The following DTD1 variants were observed in gnomAD, a reference collection of about 807,000 sequenced individuals.
The protein encoded by DTD1 is D-aminoacyl-tRNA deacylase 1, also known as D-tyrosyl-tRNA deacylase 1 homolog.
In DTD1, 13 loss-of-function variants were observed where a neutral mutation model predicts 25.6. That is an observed-to-expected ratio of 0.51 (90% confidence interval 0.33 to 0.81). The LOEUF (loss-of-function observed/expected upper bound fraction) is 0.81, where lower values mean the gene tolerates loss of function less well. Among genes scored for constraint, DTD1 ranks in the 30% least tolerant of loss-of-function variants. The probability of loss-of-function intolerance (pLI) is 0.02; values close to 1 mark genes in which losing one functional copy is unlikely to be tolerated. For missense variants in DTD1, 193 were observed against 266.4 expected, an observed-to-expected ratio of 0.72 and a Z score of 1.92; for synonymous variants, 110 against 103.6, an observed-to-expected ratio of 1.06 and a Z score of -0.37.
intron 5 of DTD1, among the ~76,000 whole-genome samples, chr20:18,762,336 A>G (rs1247525791): frequency 6.6e-6 from 1 of 152,204 alleles, no homozygotes; most frequent in African/African-American, 2.4e-5. Flanking sequence ...TAACTTTTGG[A>G]TGACAAATGC....
At chr20:18,590,032 G>A (rs994193907) in intron 1 of DTD1, among the ~76,000 whole-genome samples, 4 of 152,184 alleles carry the variant, frequency 2.6e-5, no homozygotes, top group African/African-American at 4.8e-5. Flanking sequence ...AAATGTGGCT[G>A]TGTTTGAATG....
intron 4 of DTD1, among the ~76,000 whole-genome samples, chr20:18,640,100 T>G (rs889506275): frequency 6.6e-6 from 1 of 152,056 alleles, no homozygotes; most frequent in Non-Finnish European, 1.5e-5. Context: ...CCCCTTCATT[T>G]TCTCTTGGGA....
intron 4 of DTD1, among the ~76,000 whole-genome samples, chr20:18,697,106 C>G (rs1016620887): frequency 2.6e-5 from 4 of 151,722 alleles, no homozygotes; most frequent in African/African-American, 9.7e-5. Flanking sequence ...GTGGTGGGTG[C>G]CTGTAGTCCC....
intron 3 of DTD1, chr20:18,611,238 C>T (rs966710167): frequency 6.6e-6 from 1 of 152,304 alleles, no homozygotes; most frequent in Admixed American, 6.5e-5. Flanking sequence ...ATTATATCAA[C>T]AGTGTGTCAC....
rs143940715 is a variant in DTD1 at position 18,746,196 on chromosome 20, G to A, written c.*19+1925G>A. Among the ~76,000 whole-genome samples, 3 of 152,268 alleles carry A rather than the reference G, an allele frequency of 2.0e-5. No individual in the cohort carries two copies. The East Asian group carries it at 5.8e-4, about 29-fold the overall frequency. On this transcript the variant is annotated intron_variant, in intron 5 of 5. Coordinates refer to ENST00000377452, the MANE Select transcript of DTD1 (RefSeq NM_080820.6). ...GAGTCTGTGGCTTTAGAGCTGGGGA[G>A]CCAGGTCTCGGACATACAATTTGGA... is the stretch of plus-strand genomic sequence containing the variant.
intron 4 of DTD1, among the ~76,000 whole-genome samples, chr20:18,715,182 C>G (rs1265148369): frequency 1.3e-5 from 2 of 152,054 alleles, no homozygotes; most frequent in Admixed American, 1.3e-4. Context: ...TACACTGTCC[C>G]CTCCCCCACT....
chr20:18,707,959 G>A (rs1788833437), intron 4 of DTD1, among the ~76,000 whole-genome samples: 1 of 150,926 alleles, frequency 6.6e-6, no homozygotes, highest in South Asian at 2.1e-4. Flanking sequence ...TCCAGAACCA[G>A]CCAGTGTTTC....
chr20:18,716,278 C>G (rs2061180367), intron 4 of DTD1, among the ~76,000 whole-genome samples: 1 of 152,212 alleles, frequency 6.6e-6, no homozygotes, highest in African/African-American at 2.4e-5. Flanking sequence ...CCCCACTTCC[C>G]AGAAAGGGGA....
Position 18,728,740 on chromosome 20 carries a change from C to T in DTD1, c.478-15360C>T, listed in dbSNP as rs1473247584. Among the ~76,000 whole-genome samples the T allele has an allele frequency of 9.9e-5, 15 of 152,138 alleles. No homozygotes were observed. The East Asian group carries it at 2.3e-3, about 24-fold the overall frequency. ...GGCTGGCAGCAGTGCTTTCTCAGAG[C>T]ACAAAGCAGTGCTCATGTGGCAGGA... On this transcript the variant is annotated intron_variant, in intron 4 of 5. Coordinates refer to ENST00000377452, the MANE Select transcript of DTD1 (RefSeq NM_080820.6).
intron 4 of DTD1, among the ~76,000 whole-genome samples, chr20:18,673,596 T>C (rs890537450): frequency 1.3e-5 from 2 of 152,226 alleles, no homozygotes; most frequent in African/African-American, 4.8e-5. Flanking sequence ...AAAGCACTTC[T>C]ACTCTTTAAA....
chr20:18,758,083 T>C (rs1482013431), intron 5 of DTD1, among the ~76,000 whole-genome samples: 3 of 152,242 alleles, frequency 2.0e-5, no homozygotes, highest in Non-Finnish European at 4.4e-5. Flanking sequence ...TATTCTCTGA[T>C]GGTAGTTTGT....
chr20:18,621,979 G>A (rs1319777065), intron 3 of DTD1, among the ~76,000 whole-genome samples: 1 of 152,084 alleles, frequency 6.6e-6, no homozygotes, highest in Non-Finnish European at 1.5e-5. Flanking sequence ...CAGGAGAATG[G>A]CGTGAACCCG....
intron 4 of DTD1, among the ~76,000 whole-genome samples, chr20:18,638,251 C>T (rs1337726829): frequency 1.3e-5 from 2 of 152,042 alleles, no homozygotes; most frequent in East Asian, 3.9e-4. Flanking sequence ...CCTACTCATC[C>T]AATACCTTTA....
intron 4 of DTD1, among the ~76,000 whole-genome samples, chr20:18,665,402 G>A (rs1189761517): frequency 6.6e-6 from 1 of 152,240 alleles, no homozygotes; most frequent in Non-Finnish European, 1.5e-5. Context: ...CTCTGGGGAA[G>A]CTCTCTTCAG....
intron 4 of DTD1, among the ~76,000 whole-genome samples, chr20:18,729,190 G>T (rs2061232288): frequency 1.3e-5 from 2 of 152,186 alleles, no homozygotes; most frequent in South Asian, 4.1e-4. Flanking sequence ...TTTTTGTGGA[G>T]TGGGGTTTTT....
intron 4 of DTD1, chr20:18,632,233 TA>T (rs1316541537): frequency 1.0e-6 from 1 of 985,328 alleles, no homozygotes; most frequent in African/African-American, 1.7e-5. Flanking sequence ...TTATAAGGAT[TA>T]AAAAAGACTT....
intron 3 of DTD1, among the ~76,000 whole-genome samples, chr20:18,618,676 C>T (rs1029710393): frequency 8.2e-6 from 1 of 122,644 alleles, no homozygotes. Flanking sequence ...ATTTTATACA[C>T]ACACACACAC....
chr20:18,701,834 G>A (rs1253997723), intron 4 of DTD1, among the ~76,000 whole-genome samples: 8 of 152,170 alleles, frequency 5.3e-5, no homozygotes, highest in Admixed American at 6.5e-5. Context: ...TAAGTCTCTC[G>A]AATTGCCGAT....
chr20:18,669,935 T>A (rs2122387684), intron 4 of DTD1, among the ~76,000 whole-genome samples: 1 of 152,302 alleles, frequency 6.6e-6, no homozygotes, highest in Middle Eastern at 3.4e-3. Context: ...TCCATTCCTG[T>A]CTCTGACTGC....
Sources: allele counts gnomAD v4.1 joint callset (sites outside exome capture counted in the v4.1 genomes callset), GRCh38; gene constraint gnomAD v4.1.1; transcripts MANE v1.5; gene names NCBI Gene and HGNC (gene_info 2026-07-23, HGNC 2026-07-21).